The following MCUR1 variants were observed in gnomAD, a reference collection of about 807,000 sequenced individuals.
MCUR1 encodes MCU regulator 1.
In MCUR1, 37 loss-of-function variants were observed where a neutral mutation model predicts 42.0. That is an observed-to-expected ratio of 0.88 (90% CI 0.68 to 1.16). The LOEUF (loss-of-function observed/expected upper bound fraction) is 1.16. Ranked by LOEUF, MCUR1 falls within the 50% of genes most tolerant of loss-of-function variation. MCUR1 has a pLI of 0.00. For synonymous variants in MCUR1, 229 were observed against 196.2 expected (o/e 1.17, Z -1.40); for missense variants, 469 against 468.4 (o/e 1.00, Z -0.01).
rs991858679 is a variant in MCUR1 at position 13,786,741 on chromosome 6, T to C, written c.*4068A>G. ...ATATTAGTCACACAGAATTAAATAT[T>C]TTAGATAGTAAGAATCTTACACTTT... On this transcript the variant is annotated 3_prime_UTR_variant, in exon 9 of 9. Transcript: ENST00000379170. The C allele has an allele frequency of 6.6e-6, 1 of 152,166 alleles. No individual in the cohort carries two copies. The highest frequency in any genetic ancestry group is 1.5e-5 in the Non-Finnish European group (1 of 68,028). 9.4% of individuals were successfully genotyped at this position (152,166 alleles called of 1,614,324 possible).
intron 1 of MCUR1, among the ~76,000 whole-genome samples, chr6:13,812,413 AAAC>A (rs1478974080): frequency 1.3e-5 from 2 of 152,248 alleles, no homozygotes; most frequent in Admixed American, 6.5e-5. Context: ...GCTGACACTA[AAAC>A]AACAGTACCA....
At chr6:13,803,875 G>C in intron 2 of MCUR1, 1 of 984,860 alleles carries the variant, frequency 1.0e-6, no homozygotes, top group South Asian at 4.7e-5. Context: ...GCTCACGCCT[G>C]TAATCCTAAC....
chr6:13,792,877 T>C (rs938345529), intron 7 of MCUR1, among the ~76,000 whole-genome samples: 2 of 152,120 alleles, frequency 1.3e-5, no homozygotes, highest in East Asian at 1.9e-4. Flanking sequence ...CCATACAGTA[T>C]GGAAAAGGAG....
rs572005349 is a variant in MCUR1, at chr6:13,790,464, GTTT to G, written c.*342_*344del. 4.2e-5 allele frequency: 6 copies of G among 142,654 alleles called. No homozygotes were observed. The highest frequency in any genetic ancestry group is 4.6e-5 in the Non-Finnish European group (3 of 64,950). 8.8% of individuals were successfully genotyped at this position (142,654 alleles called of 1,614,324 possible). On this transcript the variant is annotated 3_prime_UTR_variant, in exon 9 of 9. Transcript: ENST00000379170. ...AAAAGGACAACAATCTGGTATTCCG[GTTT>G]TTTTTTTTTTTTTGAGACGGAGTCT...
intron 6 of MCUR1, among the ~76,000 whole-genome samples, chr6:13,797,359 T>C (rs1264152548): frequency 3.9e-5 from 6 of 152,200 alleles, no homozygotes; most frequent in Admixed American, 3.9e-4. Context: ...AGAAGACGGC[T>C]GAATATTCAG....
intron 1 of MCUR1, 63 bp from the exon 2 acceptor site, chr6:13,807,107 C>G (rs1760127987): frequency 1.3e-6 from 2 of 1,521,552 alleles, no homozygotes; most frequent in Admixed American, 4.2e-5. Context: ...AACTCAGCAC[C>G]CAGAGAAAAT....
At chr6:13,797,749 C>T (rs142760257) in intron 6 of MCUR1, among the ~76,000 whole-genome samples, 2 of 151,896 alleles carry the variant, frequency 1.3e-5, no homozygotes, top group East Asian at 3.9e-4. Context: ...GCCGGCCAGG[C>T]GCAGTGGCTC....
chr6:13,814,184 G>C lies in MCUR1; in HGVS notation c.246C>G (p.Ala82=), dbSNP rs1273499178. ...CCCCGAGCTGCCGGCGCGGGGCTGCGGCGGCCAAGCGCGGGGAGGGCACTA... is the reference window on the plus strand; with the variant it reads ...CCCCGAGCTGCCGGCGCGGGGCTGCCGCGGCCAAGCGCGGGGAGGGCACTA... ...LLLVPSPRLA[A]AAPRRQLGDW... Residue 82 remains alanine (A), a synonymous_variant, in exon 1 of 9, where the codon GCC becomes GCG. Transcript: ENST00000379170. The C allele has an allele frequency of 2.9e-6, 4 of 1,373,390 alleles. No homozygotes were observed. Among genetic ancestry groups the C allele is most frequent in the Non-Finnish European group, 9.3e-7 (1 of 1,071,830 alleles). The allele number at this position is 1,373,390 out of a possible 1,614,324, so 85.1% of individuals were successfully genotyped here. A position where few individuals can be genotyped will look rare whatever the true frequency, so the allele number is the denominator to read the frequency against.
rs567928703 is a variant in MCUR1, at chr6:13,790,624, T to A, written c.*185A>T. 9.2e-5 allele frequency: 37 copies of A among 403,158 alleles called. 1 individual carries two copies. Among genetic ancestry groups the A allele is most frequent in the South Asian group, 8.9e-4 (36 of 40,638 alleles). The allele number at this position is 403,158 out of a possible 1,614,324, so 25.0% of individuals were successfully genotyped here. ...CCGCCACCACGCCCGCCTAATGTTT[T>A]AATTTTTTAGTAGAGACGGGGTTTC... On this transcript the variant is annotated 3_prime_UTR_variant, in exon 9 of 9. Transcript: ENST00000379170.
At chr6:13,801,578 G>T (rs1759991092) in intron 3 of MCUR1, among the ~76,000 whole-genome samples, 189 bp from the exon 4 acceptor site, 1 of 152,172 alleles carries the variant, frequency 6.6e-6, no homozygotes, top group South Asian at 2.1e-4. Flanking sequence ...GGCCAGGCAA[G>T]GTGGCTCACA....
In MCUR1 at chr6:13,792,080, C is replaced by A. The variant is rs553923670; in HGVS notation, c.910-88G>T. The A allele has an allele frequency of 8.3e-6, 8 of 960,058 alleles. No homozygotes were observed. The African/African-American group carries it at 1.3e-4, about 16-fold the overall frequency. 59.5% of individuals were successfully genotyped at this position (960,058 alleles called of 1,614,324 possible). A position where few individuals can be genotyped will look rare whatever the true frequency, so the allele number is the denominator to read the frequency against. ...TAGCTCCTTCCCAACGGGGTGCAGT[C>A]ACAGGGAAACCTGGGTAAGACTATG... On this transcript the variant is annotated intron_variant, in intron 7 of 8. Coordinates refer to ENST00000379170, the MANE Select transcript of MCUR1 (RefSeq NM_001031713.4).
chr6:13,803,207 A>AT (rs1760031560), intron 2 of MCUR1, among the ~76,000 whole-genome samples: 1 of 152,154 alleles, frequency 6.6e-6, no homozygotes, highest in Non-Finnish European at 1.5e-5. Flanking sequence ...AATTACAGGC[A>AT]TGCGCCACCA....
intron 1 of MCUR1, 34 bp downstream of exon 1, chr6:13,813,981 A>G: frequency 8.1e-7 from 1 of 1,228,810 alleles, no homozygotes; most frequent in Non-Finnish European, 1.0e-6. Context: ...ACCCCGCGAG[A>G]CGAGCCCCCT....
chr6:13,813,837 G>A (rs918078321), intron 1 of MCUR1, among the ~76,000 whole-genome samples, 178 bp downstream of exon 1: 5 of 152,192 alleles, frequency 3.3e-5, no homozygotes, highest in African/African-American at 7.2e-5. Context: ...CCCCGCCACC[G>A]CGGCCGAGCA....
intron 5 of MCUR1, 118 bp downstream of exon 5, chr6:13,800,223 T>C: frequency 1.5e-6 from 1 of 682,018 alleles, no homozygotes; most frequent in Non-Finnish European, 2.5e-6. Flanking sequence ...TTTTGAGGCA[T>C]ATTACACAAA....
intron 6 of MCUR1, among the ~76,000 whole-genome samples, chr6:13,794,721 G>A (rs1184825246): frequency 6.6e-6 from 1 of 151,416 alleles, no homozygotes; most frequent in Admixed American, 6.6e-5. Flanking sequence ...CTTGATCTGG[G>A]GTCCCTGCAA....
chr6:13,791,035 A>G (rs1396963555), intron 8 of MCUR1, among the ~76,000 whole-genome samples, 171 bp from the exon 9 acceptor site: 1 of 151,986 alleles, frequency 6.6e-6, no homozygotes, highest in African/African-American at 2.4e-5. Context: ...CACACCCTTT[A>G]TTTTATTTTC....
intron 1 of MCUR1, among the ~76,000 whole-genome samples, chr6:13,807,947 A>C (rs1166077491): frequency 6.6e-6 from 1 of 152,116 alleles, no homozygotes; most frequent in African/African-American, 2.4e-5. Context: ...ATGTGTATTC[A>C]AGTCAGCTAT....
At position 13,787,979 on chromosome 6, in the gene MCUR1, T is replaced by A. The variant is rs1328895398; in HGVS notation, c.*2830A>T. On this transcript the variant is annotated 3_prime_UTR_variant, in exon 9 of 9. Transcript: ENST00000379170. The stretch of plus-strand genomic sequence containing the variant: ...CTCACTGCAACCTCTGCCTCCCAGG[T>A]TCATGCAATTTTCCTGTCTCAGCCT... The A allele has an allele frequency of 6.6e-6, 1 of 152,144 alleles. No individual in the cohort carries two copies. Among genetic ancestry groups the A allele is most frequent in the African/African-American group, 2.4e-5 (1 of 41,394 alleles). 9.4% of individuals were successfully genotyped at this position (152,144 alleles called of 1,614,324 possible).
Sources: allele counts gnomAD v4.1 joint callset (sites outside exome capture counted in the v4.1 genomes callset), GRCh38; gene constraint gnomAD v4.1.1; transcripts MANE v1.5; gene names NCBI Gene and HGNC (gene_info 2026-07-23, HGNC 2026-07-21).